Variants in ZBTB40 observed in about 807,000 individuals in gnomAD.
The protein encoded by ZBTB40 is zinc finger and BTB domain-containing protein 40.
A neutral mutation model predicts 117.5 loss-of-function variants in ZBTB40; 60 were observed. That is an observed-to-expected ratio of 0.51 (90% CI 0.41 to 0.63). The LOEUF is 0.63. Among genes scored for constraint, ZBTB40 ranks in the 30% least tolerant of loss-of-function variants. The pLI is 0.00. For synonymous variants in ZBTB40, 525 were observed against 577.1 expected (o/e 0.91, Z 1.29); for missense variants, 1,287 against 1,498.5 (o/e 0.86, Z 2.33).
At position 22,521,512 on chromosome 1, in the gene ZBTB40, G is replaced by A. The variant is rs755982698; in HGVS notation, c.3065G>A (p.Trp1022Ter). 7 of 1,614,184 alleles carry A rather than the reference G, an allele frequency of 4.3e-6. No homozygotes were observed. Among genetic ancestry groups the A allele is most frequent in the East Asian group, 2.2e-5 (1 of 44,878 alleles). Residue 1022 changes from tryptophan (W) to a stop codon, truncating the protein, a stop_gained, in exon 15 of 18, where the codon TGG becomes TAG. Coordinates refer to ENST00000375647, the MANE Select transcript of ZBTB40 (RefSeq NM_014870.4). LOFTEE classifies it high-confidence loss of function. Reference sequence around the variant, plus strand: ...TCCTTGCAGCAATTGTCTGGTTTGTGGTACCACAATCGAACCCACCACCCT... The same window carrying A: ...TCCTTGCAGCAATTGTCTGGTTTGTAGTACCACAATCGAACCCACCACCCT... ...NKAYQQLSGL[W>*]YHNRTHHPDV... is the part of the protein sequence containing the mutation.
At chr1:22,497,374 A>C (rs1002501739) in intron 3 of ZBTB40, among the ~76,000 whole-genome samples, 1 of 152,090 alleles carries the variant, frequency 6.6e-6, no homozygotes, top group African/African-American at 2.4e-5. Flanking sequence ...TCAAATGCAG[A>C]TCTGTGTTTG....
intron 3 of ZBTB40, among the ~76,000 whole-genome samples, chr1:22,501,290 G>A (rs900682685): frequency 6.6e-6 from 1 of 152,212 alleles, no homozygotes; most frequent in African/African-American, 2.4e-5. Context: ...TCGTGGAATT[G>A]GAGTCCTCCA....
chr1:22,476,274 C>A (rs1008369263), intron 1 of ZBTB40, among the ~76,000 whole-genome samples: 1 of 152,198 alleles, frequency 6.6e-6, no homozygotes, highest in African/African-American at 2.4e-5. Context: ...GCCTGGAGTG[C>A]AATGGCGTGA....
chr1:22,499,827 T>C (rs1043948203), intron 3 of ZBTB40, among the ~76,000 whole-genome samples: 3 of 152,224 alleles, frequency 2.0e-5, no homozygotes, highest in Non-Finnish European at 4.4e-5. Context: ...AAAATCTCTC[T>C]AAATAAAAAT....
intron 13 of ZBTB40, 39 bp downstream of exon 13, chr1:22,517,503 C>T: frequency 6.3e-7 from 1 of 1,594,938 alleles, no homozygotes; most frequent in Non-Finnish European, 8.6e-7. Context: ...TCAGTGCCAG[C>T]CTGGCACTGG....
intron 1 of ZBTB40, among the ~76,000 whole-genome samples, chr1:22,486,549 G>A (rs1363599216): frequency 2.6e-5 from 4 of 152,150 alleles, no homozygotes; most frequent in South Asian, 2.1e-4. Context: ...ACTTGTTAGA[G>A]CTCTAGGAGG....
chr1:22,512,927 T>C lies in ZBTB40; in HGVS notation c.2465T>C (p.Met822Thr). The C allele has an allele frequency of 6.2e-7, 1 of 1,614,236 alleles. No individual in the cohort carries two copies. Among genetic ancestry groups the C allele is most frequent in the African/African-American group, 1.3e-5 (1 of 75,060 alleles). Residue 822 changes from methionine to threonine, a missense_variant, in exon 12 of 18, where the codon ATG becomes ACG. Physicochemically the swap from Met to Thr is moderately conservative, Grantham distance 81. Transcript: ENST00000375647. ...CGREFAHASGMQYHKLTEHFD... is the reference protein window; with the variant it reads ...CGREFAHASGTQYHKLTEHFD... Reference sequence around the variant, plus strand: ...CTGGTGTGCTTGGCTTCCCTAGGCATGCAGTACCATAAGCTGACAGAGCAC... The same window carrying C: ...CTGGTGTGCTTGGCTTCCCTAGGCACGCAGTACCATAAGCTGACAGAGCAC...
chr1:22,521,418 T>C, intron 14 of ZBTB40, 78 bp from the exon 15 acceptor site: 1 of 1,579,146 alleles, frequency 6.3e-7, no homozygotes, highest in South Asian at 1.1e-5. Context: ...AATGTATTTC[T>C]TTCTCTCATG....
At position 22,456,218 on chromosome 1, in the gene ZBTB40, CAG is replaced by C. The variant is rs1641001563; in HGVS notation, c.-70+4219_-70+4220del. Among the ~76,000 whole-genome samples the C allele has an allele frequency of 2.6e-5, 4 of 152,244 alleles. No homozygotes were observed. The South Asian group carries it at 6.2e-4, about 24-fold the overall frequency. ...AGATTGTCACTTTCTGTAAGTCTAG[CAG>C]AGAGTGCAGTATTTCATTTGCAGGG... On this transcript the variant is annotated intron_variant, in intron 1 of 17. Coordinates refer to ENST00000375647, the MANE Select transcript of ZBTB40 (RefSeq NM_014870.4).
At chr1:22,519,580 T>C in intron 13 of ZBTB40, 1 of 242,186 alleles carries the variant, frequency 4.1e-6, no homozygotes, top group South Asian at 5.9e-5. Flanking sequence ...CTCATTATGC[T>C]AATGTTTTTA....
intron 12 of ZBTB40, among the ~76,000 whole-genome samples, chr1:22,515,357 G>A (rs1052679273): frequency 1.3e-5 from 2 of 152,314 alleles, no homozygotes; most frequent in East Asian, 3.9e-4. Context: ...TATGTGAAGT[G>A]TGTTAGTTTA....
In ZBTB40 at chr1:22,513,083, C is replaced by T; in HGVS notation, c.2621C>T (p.Thr874Ile). ...FMCKHCLMTF[T>I]QASALAYHTK... ...TGCAAGCACTGCCTCATGACCTTCA[C>T]CCAGGCCTCCGCCCTGGCCTATCAC... The change falls in exon 12 of 18, where the codon ACC (threonine) becomes ATC (isoleucine). Residue 874 changes from threonine to isoleucine, a missense_variant. This residue lies in a region of ZBTB40 where 417 missense variants were observed against 564.1 expected (regional missense o/e 0.74). Transcript: ENST00000375647. The surrounding 1 kb of genome is among the most constrained non-coding windows in gnomAD (Gnocchi z 4.9). 1 of 1,614,204 alleles carries T rather than the reference C, an allele frequency of 6.2e-7. No individual in the cohort carries two copies. The highest frequency in any genetic ancestry group is 8.5e-7 in the Non-Finnish European group (1 of 1,180,042).
chr1:22,490,171 T>C lies in ZBTB40; in HGVS notation c.223T>C (p.Leu75=), dbSNP rs750058007. The C allele has an allele frequency of 6.2e-7, 1 of 1,614,194 alleles. No homozygotes were observed. The highest frequency in any genetic ancestry group is 1.7e-5 in the Admixed American group (1 of 60,020). ...GAGCCCCGAGGAGTTTGCGCTCTTG[T>C]TGGAAATGATGTACACGGGCAAACT... ...VVSPEEFALL[L]EMMYTGKLPV... The change falls in exon 2 of 18, where the codon TTG becomes CTG. Residue 75 remains leucine (L), a synonymous_variant. Coordinates refer to ENST00000375647, the MANE Select transcript of ZBTB40 (RefSeq NM_014870.4).
chr1:22,461,613 A>T (rs1641136151), intron 1 of ZBTB40, among the ~76,000 whole-genome samples: 1 of 152,190 alleles, frequency 6.6e-6, no homozygotes, highest in South Asian at 2.1e-4. Flanking sequence ...AAAGGAGTTG[A>T]TCTGTGAAAT....
chr1:22,457,567 A>G (rs1161331792), intron 1 of ZBTB40, among the ~76,000 whole-genome samples: 2 of 152,266 alleles, frequency 1.3e-5, no homozygotes, highest in Non-Finnish European at 2.9e-5. Context: ...GTTCTGGAAC[A>G]GGACCAAACA....
rs533633070 is a variant in ZBTB40 at position 22,475,218 on chromosome 1, G to A, written c.-69-14662G>A. On this transcript the variant is annotated intron_variant, in intron 1 of 17. Coordinates refer to ENST00000375647, the MANE Select transcript of ZBTB40 (RefSeq NM_014870.4). ...TGTTACTCCTTCCTAGTGCTAATGTGTTTCCCTTATTAGTCCATTCTGCTG... is the reference window on the plus strand; with the variant it reads ...TGTTACTCCTTCCTAGTGCTAATGTATTTCCCTTATTAGTCCATTCTGCTG... 2.0e-5 allele frequency among the ~76,000 whole-genome samples: 3 copies of A among 152,284 alleles called. No homozygotes were observed. The East Asian group carries it at 5.8e-4, about 29-fold the overall frequency.
intron 16 of ZBTB40, among the ~76,000 whole-genome samples, chr1:22,523,728 C>A (rs1474041845): frequency 6.6e-6 from 1 of 152,202 alleles, no homozygotes; most frequent in African/African-American, 2.4e-5. Flanking sequence ...TAGGGAGTTT[C>A]TTCCAAGCCG....
At chr1:22,435,064 G>T (rs1640652730) in intron 1 of ZBTB40, among the ~76,000 whole-genome samples, 1 of 141,590 alleles carries the variant, frequency 7.1e-6, no homozygotes, top group Admixed American at 7.0e-5. Context: ...ACAGTGGTGT[G>T]ATCTCGGCTC....
At chr1:22,484,786 G>A (rs1399119341) in intron 1 of ZBTB40, among the ~76,000 whole-genome samples, 1 of 152,168 alleles carries the variant, frequency 6.6e-6, no homozygotes, top group Non-Finnish European at 1.5e-5. Context: ...GTTTTTTGTA[G>A]ATGTTCTTTA....
Sources: gnomAD v4.1 joint callset for allele counts (sites outside exome capture counted in the v4.1 genomes callset) on GRCh38, gnomAD v4.1.1 for gene constraint, gnomAD v4.1.1 regional missense constraint, Gnocchi (gnomAD v3.1) non-coding constraint, MANE v1.5 for transcripts, NCBI Gene and HGNC (gene_info 2026-07-23, HGNC 2026-07-21) for gene names.